Variants in SLC12A1 observed in about 807,000 individuals in gnomAD.
The protein encoded by SLC12A1 is solute carrier family 12 member 1.
A neutral mutation model predicts 130.4 loss-of-function variants in SLC12A1; 89 were observed. That is an observed-to-expected ratio of 0.68 (90% CI 0.58 to 0.81). The LOEUF (loss-of-function observed/expected upper bound fraction) is 0.81, where lower values mean the gene tolerates loss of function less well. SLC12A1 is among the 40% of genes least tolerant of loss of function. The pLI is 0.00. For missense variants in SLC12A1, 1,310 were observed against 1,336.4 expected (o/e 0.98, Z 0.31); for synonymous variants, 499 against 460.0 (o/e 1.08, Z -1.09).
At chr15:48,267,140 A>G (rs905338418) in intron 17 of SLC12A1, among the ~76,000 whole-genome samples, 19 of 152,184 alleles carry the variant, frequency 1.2e-4, no homozygotes, top group African/African-American at 4.6e-4. Context: ...TCTACCTCCC[A>G]TGGAGCTCTG....
chr15:48,217,090 T>G (rs999385024), intron 2 of SLC12A1, among the ~76,000 whole-genome samples: 2 of 152,224 alleles, frequency 1.3e-5, no homozygotes, highest in African/African-American at 2.4e-5. Context: ...AATATTTTTA[T>G]ACTGATTATA....
intron 5 of SLC12A1, chr15:48,227,431 A>G: frequency 2.0e-6 from 1 of 489,280 alleles, no homozygotes; most frequent in South Asian, 2.3e-5. Context: ...GGTATGGAAT[A>G]TTATAGCAAA....
chr15:48,281,948 C>A (rs2042012470), intron 20 of SLC12A1, among the ~76,000 whole-genome samples: 1 of 152,232 alleles, frequency 6.6e-6, no homozygotes, highest in Admixed American at 6.5e-5. Context: ...AATTTCCCTG[C>A]ATGCAAACAG....
intron 24 of SLC12A1, among the ~76,000 whole-genome samples, chr15:48,296,769 T>G (rs1282838220): frequency 1.3e-5 from 2 of 152,084 alleles, no homozygotes; most frequent in Non-Finnish European, 1.5e-5. Flanking sequence ...AAGAAAAAAA[T>G]CAGATTTAAT....
At chr15:48,285,482 A>G (rs1388594654) in intron 21 of SLC12A1, among the ~76,000 whole-genome samples, 1 of 152,214 alleles carries the variant, frequency 6.6e-6, no homozygotes, top group African/African-American at 2.4e-5. Flanking sequence ...TAAATGTAAT[A>G]TTTGGTTTGG....
chr15:48,302,915 T>TAATG lies in SLC12A1; in HGVS notation c.*31_*34dup. 1.3e-6 allele frequency: 2 copies of TAATG among 1,494,956 alleles called. No individual in the cohort carries two copies. The highest frequency in any genetic ancestry group is 1.9e-6 in the Non-Finnish European group (2 of 1,077,596). 92.6% of individuals were successfully genotyped at this position (1,494,956 alleles called of 1,614,324 possible). A position where few individuals can be genotyped will look rare whatever the true frequency, so the allele number is the denominator to read the frequency against. On this transcript the variant is annotated 3_prime_UTR_variant, in exon 27 of 27. Coordinates refer to ENST00000380993, the MANE Select transcript of SLC12A1 (RefSeq NM_000338.3). ...TGAAAGATTGGAATACATTTTAACT[T>TAATG]AATGTAATGCATAATTAAGAAACAT...
At chr15:48,255,168 G>T (rs565977534) in intron 15 of SLC12A1, among the ~76,000 whole-genome samples, 1 of 152,134 alleles carries the variant, frequency 6.6e-6, no homozygotes, top group African/African-American at 2.4e-5. Flanking sequence ...GGCCAGGCGC[G>T]GTGGCTCACG....
intron 14 of SLC12A1, 24 bp downstream of exon 14, chr15:48,249,700 T>C: frequency 6.7e-7 from 1 of 1,485,180 alleles, no homozygotes; most frequent in South Asian, 1.1e-5. Flanking sequence ...CAAACTAAAA[T>C]ATGCCTAAGC....
At chr15:48,250,676 T>TCACACACACACACAAA (rs1230449138) in intron 14 of SLC12A1, among the ~76,000 whole-genome samples, 31 of 146,032 alleles carry the variant, frequency 2.1e-4, no homozygotes, top group African/African-American at 7.4e-4. Flanking sequence ...AATGTCTGCC[T>TCACACACACACACAAA]CACACACACA....
intron 2 of SLC12A1, among the ~76,000 whole-genome samples, chr15:48,219,037 A>C (rs2041164289): frequency 6.6e-6 from 1 of 152,182 alleles, no homozygotes; most frequent in Non-Finnish European, 1.5e-5. Context: ...TAAAAGTTTA[A>C]ACCCTTATTT....
At chr15:48,270,198 C>G (rs2041877771) in intron 19 of SLC12A1, among the ~76,000 whole-genome samples, 1 of 152,096 alleles carries the variant, frequency 6.6e-6, no homozygotes, top group African/African-American at 2.4e-5. Context: ...CTAAGAGGCT[C>G]CCATATGCCA....
chr15:48,261,898 T>C (rs140382729), intron 17 of SLC12A1, among the ~76,000 whole-genome samples: 22 of 152,336 alleles, frequency 1.4e-4, no homozygotes, highest in Non-Finnish European at 2.6e-4. Flanking sequence ...ATTTTCTCAG[T>C]TGTAAAATGA....
chr15:48,301,403 T>C (rs1225095099), intron 26 of SLC12A1, 21 bp downstream of exon 26: 1 of 1,510,198 alleles, frequency 6.6e-7, no homozygotes, highest in Non-Finnish European at 9.0e-7. Flanking sequence ...TTGCAAGCAT[T>C]GAAGAACATT....
chr15:48,232,052 T>G (rs531772472), intron 7 of SLC12A1, among the ~76,000 whole-genome samples: 4 of 152,174 alleles, frequency 2.6e-5, no homozygotes, highest in African/African-American at 9.6e-5. Context: ...AGATTAAATT[T>G]TCAAGAAAGG....
intron 9 of SLC12A1, among the ~76,000 whole-genome samples, chr15:48,238,664 C>T (rs1260662792): frequency 1.3e-5 from 2 of 152,116 alleles, no homozygotes; most frequent in African/African-American, 4.8e-5. Flanking sequence ...TATTATTTCT[C>T]TTTGAAAGTG....
intron 7 of SLC12A1, 74 bp downstream of exon 7, chr15:48,230,577 T>A: frequency 1.1e-6 from 1 of 907,348 alleles, no homozygotes; most frequent in South Asian, 1.4e-5. Context: ...TAGAGGGAAC[T>A]CCATATTCAA....
At chr15:48,300,101 G>GCGGGAGGACTGCTTGAGCC (rs1274814276) in intron 25 of SLC12A1, among the ~76,000 whole-genome samples, 7 of 152,160 alleles carry the variant, frequency 4.6e-5, no homozygotes, top group African/African-American at 1.7e-4. Flanking sequence ...GGAGGCTAAG[G>GCGGGAGGACTGCTTGAGCC]CGGGAGGACT....
rs376522552 is a variant in SLC12A1, at chr15:48,261,418, T to C, written c.2154+2107T>C. On this transcript the variant is annotated intron_variant, in intron 17 of 26. Transcript: ENST00000380993. ...CCAATGGCCCTGTTTGTTTGACACA[T>C]ATGTTGGGCTGCATTATACATTACT... 8.7e-4 allele frequency among the ~76,000 whole-genome samples: 133 copies of C among 152,282 alleles called. 3 individuals are homozygous for C. In the South Asian group the frequency reaches 0.027, roughly 31 times the overall value.
intron 17 of SLC12A1, among the ~76,000 whole-genome samples, chr15:48,264,971 T>C (rs1436438335): frequency 2.0e-5 from 3 of 152,200 alleles, no homozygotes; most frequent in Non-Finnish European, 4.4e-5. Flanking sequence ...TGAATTAATT[T>C]ATATACTCAT....
Sources: gnomAD v4.1 joint callset for allele counts (sites outside exome capture counted in the v4.1 genomes callset) on GRCh38, gnomAD v4.1.1 for gene constraint, MANE v1.5 for transcripts, NCBI Gene and HGNC (gene_info 2026-07-23, HGNC 2026-07-21) for gene names.